Variants in N4BP1 observed in about 807,000 individuals in gnomAD.
N4BP1 encodes NEDD4 binding protein 1, also known as NEDD4-binding protein 1.
In N4BP1, 21 loss-of-function variants were observed where a neutral mutation model predicts 70.9. The ratio of observed to expected loss-of-function variants is 0.30; its 90% CI spans 0.21 to 0.43. The LOEUF is 0.43. Ranked by LOEUF, N4BP1 falls within the 20% of genes least tolerant of loss-of-function variation. The pLI, the probability that N4BP1 is intolerant of heterozygous loss-of-function variation, is 1.00. For missense variants in N4BP1, 936 were observed against 1,069.4 expected, an observed-to-expected ratio of 0.88 and a Z score of 1.74; for synonymous variants, 387 against 394.6, an observed-to-expected ratio of 0.98 and a Z score of 0.23.
At chr16:48,576,595 G>T (rs1279837446) in intron 1 of N4BP1, among the ~76,000 whole-genome samples, 1 of 152,152 alleles carries the variant, frequency 6.6e-6, no homozygotes, top group Non-Finnish European at 1.5e-5. Flanking sequence ...TCTCATGTCT[G>T]TTGTCATTCT....
At chr16:48,554,094 G>A (rs192594759) in intron 2 of N4BP1, among the ~76,000 whole-genome samples, 102 of 152,034 alleles carry the variant, frequency 6.7e-4, no homozygotes, top group South Asian at 1.9e-3. Context: ...CGAGAAACAC[G>A]TTGAGGGCAA....
chr16:48,554,173 T>TA (rs10710139), intron 2 of N4BP1, among the ~76,000 whole-genome samples: 231 of 140,672 alleles, frequency 1.6e-3, no homozygotes, highest in East Asian at 3.8e-3. Context: ...GGAAAAAAGG[T>TA]AAAAAAAAAA....
chr16:48,609,905 C>A lies in N4BP1; in HGVS notation c.68G>T (p.Ser23Ile). 1 of 1,468,278 alleles carries A rather than the reference C, an allele frequency of 6.8e-7. No homozygotes were observed. Among genetic ancestry groups the A allele is most frequent in the Non-Finnish European group, 9.0e-7 (1 of 1,110,428 alleles). The allele number at this position is 1,468,278 out of a possible 1,614,324, so 91.0% of individuals were successfully genotyped here. Residue 23 changes from serine (S) to isoleucine (I), a missense_variant, in exon 1 of 7, where the codon AGC becomes ATC. Physicochemically the swap from Ser to Ile is moderately radical, Grantham distance 142 (BLOSUM62 -2). This residue lies in a region of N4BP1 where 187 missense variants were observed against 217.1 expected (regional missense o/e 0.86). Coordinates refer to ENST00000262384, the MANE Select transcript of N4BP1 (RefSeq NM_153029.4). Reference sequence around the variant, plus strand: ...AAACAGGCCCTCGATACGGCCGCGGCTCTGCTCCAGCAGCTCCGCCTTCTC... The same window carrying A: ...AAACAGGCCCTCGATACGGCCGCGGATCTGCTCCAGCAGCTCCGCCTTCTC... ...PAEKAELLEQ[S>I]RGRIEGLFGV...
chr16:48,550,155 G>C (rs755352503), intron 4 of N4BP1, among the ~76,000 whole-genome samples: 1 of 152,140 alleles, frequency 6.6e-6, no homozygotes, highest in East Asian at 1.9e-4. Flanking sequence ...TCTGAATCAT[G>C]CATGTCCCCA....
chr16:48,586,785 T>C (rs537315753), intron 1 of N4BP1, among the ~76,000 whole-genome samples: 1 of 152,336 alleles, frequency 6.6e-6, no homozygotes, highest in South Asian at 2.1e-4. Flanking sequence ...GTTTCTTAAA[T>C]AGCTCAACAT....
intron 1 of N4BP1, among the ~76,000 whole-genome samples, chr16:48,573,710 A>G (rs1446801154): frequency 1.3e-5 from 2 of 151,986 alleles, no homozygotes; most frequent in Non-Finnish European, 2.9e-5. Context: ...TAACTTTTCG[A>G]CTCCCTCAAA....
intron 1 of N4BP1, among the ~76,000 whole-genome samples, chr16:48,588,234 A>G (rs544044994): frequency 4.7e-4 from 72 of 152,106 alleles, no homozygotes; most frequent in Non-Finnish European, 9.3e-4. Context: ...AAATTACAAA[A>G]ATCCTGAAAA....
At chr16:48,607,347 C>A (rs559172858) in intron 1 of N4BP1, among the ~76,000 whole-genome samples, 35 of 152,300 alleles carry the variant, frequency 2.3e-4, no homozygotes, top group Admixed American at 2.1e-3. Flanking sequence ...GAACGCACAG[C>A]AAAGGCAGAG....
intron 1 of N4BP1, among the ~76,000 whole-genome samples, chr16:48,585,001 G>A (rs1597106873): frequency 1.3e-5 from 2 of 151,900 alleles, no homozygotes; most frequent in African/African-American, 2.4e-5. Flanking sequence ...GCATGATTTC[G>A]GCTCACTGCA....
Position 48,542,875 on chromosome 16 carries a change from G to A in N4BP1, c.*29C>T, listed in dbSNP as rs767432062. 9 of 1,562,698 alleles carry A rather than the reference G, an allele frequency of 5.8e-6. No individual in the cohort carries two copies. The South Asian group carries it at 5.8e-5, about 10-fold the overall frequency. On this transcript the variant is annotated 3_prime_UTR_variant, in exon 7 of 7. Coordinates refer to ENST00000262384, the MANE Select transcript of N4BP1 (RefSeq NM_153029.4). ...AGCTTGAGTTTGATCAGCCAGCCCTGAGCGCAAGCTCAGCGCTCAGCACAA... is the reference window on the plus strand; with the variant it reads ...AGCTTGAGTTTGATCAGCCAGCCCTAAGCGCAAGCTCAGCGCTCAGCACAA...
intron 2 of N4BP1, 95 bp downstream of exon 2, chr16:48,560,659 T>A: frequency 6.9e-7 from 1 of 1,454,748 alleles, no homozygotes; most frequent in Admixed American, 2.3e-5. Context: ...ATCAACTATA[T>A]ACAACATGTA....
At chr16:48,595,505 T>C (rs1315253136) in intron 1 of N4BP1, among the ~76,000 whole-genome samples, 2 of 151,338 alleles carry the variant, frequency 1.3e-5, no homozygotes, top group African/African-American at 4.9e-5. Context: ...TTTGCACTAT[T>C]TACAGCTTTT....
chr16:48,548,766 G>A (rs1963624536), intron 4 of N4BP1, among the ~76,000 whole-genome samples: 1 of 151,160 alleles, frequency 6.6e-6, no homozygotes, highest in South Asian at 2.1e-4. Context: ...CTGAGCCCAG[G>A]CAGGTGGAGG....
chr16:48,596,127 A>T (rs1227937498), intron 1 of N4BP1, among the ~76,000 whole-genome samples: 1 of 152,224 alleles, frequency 6.6e-6, no homozygotes, highest in Non-Finnish European at 1.5e-5. Flanking sequence ...TGTTTTTAAT[A>T]AAAATAAGGA....
chr16:48,604,214 G>A (rs1292381665), intron 1 of N4BP1, among the ~76,000 whole-genome samples: 1 of 152,226 alleles, frequency 6.6e-6, no homozygotes, highest in Non-Finnish European at 1.5e-5. Flanking sequence ...CACTGAGACT[G>A]TACTGTACGC....
intron 1 of N4BP1, among the ~76,000 whole-genome samples, chr16:48,601,316 CTT>C (rs1195342457): frequency 1.3e-5 from 2 of 152,196 alleles, no homozygotes; most frequent in Admixed American, 6.5e-5. Flanking sequence ...GTAGAACAAA[CTT>C]TATTTTTCTA....
chr16:48,550,176 C>T (rs928072468), intron 4 of N4BP1, among the ~76,000 whole-genome samples: 8 of 152,108 alleles, frequency 5.3e-5, no homozygotes, highest in Admixed American at 2.0e-4. Context: ...GAACCTACCT[C>T]GGTGTATCAG....
At chr16:48,574,006 T>A (rs1964058321) in intron 1 of N4BP1, among the ~76,000 whole-genome samples, 1 of 152,170 alleles carries the variant, frequency 6.6e-6, no homozygotes, top group African/African-American at 2.4e-5. Flanking sequence ...AATCTGCATA[T>A]AAGCAGACCA....
chr16:48,570,916 C>T (rs766440182), intron 1 of N4BP1, among the ~76,000 whole-genome samples: 4 of 152,166 alleles, frequency 2.6e-5, no homozygotes, highest in Non-Finnish European at 4.4e-5. Context: ...CTTGGCCTCC[C>T]GAATAGCTGG....
Sources: allele counts gnomAD v4.1 joint callset (sites outside exome capture counted in the v4.1 genomes callset), GRCh38; gene constraint gnomAD v4.1.1; regional missense constraint gnomAD v4.1.1; transcripts MANE v1.5; gene names NCBI Gene and HGNC (gene_info 2026-07-23, HGNC 2026-07-21).